The following DGKI variants were observed in gnomAD, a reference collection of about 807,000 sequenced individuals.
DGKI encodes diacylglycerol kinase iota, also known as DAG kinase iota.
In DGKI, 55 loss-of-function variants were observed where a neutral mutation model predicts 147.5. That is an observed-to-expected ratio of 0.37 (90% CI 0.30 to 0.47). DGKI has a LOEUF of 0.47. Among genes scored for constraint, DGKI ranks in the 20% least tolerant of loss-of-function variants. The pLI is 1.00. For synonymous variants in DGKI, 469 were observed against 477.1 expected (o/e 0.98, Z 0.22); for missense variants, 1,007 against 1,323.8 (o/e 0.76, Z 3.71).
Position 137,399,708 on chromosome 7 carries a change from G to A in DGKI, c.2921-2295C>T, listed in dbSNP as rs146949424. Among the ~76,000 whole-genome samples the A allele has an allele frequency of 7.1e-3, 1,088 of 152,224 alleles. 14 individuals are homozygous for A. The highest frequency in any genetic ancestry group is 0.025 in the African/African-American group (1,033 of 41,528). ...GTGGATCATTTGAGGTCAGGAATTC[G>A]AGACCAGCCTGACCAACATGGTGGA... On this transcript the variant is annotated intron_variant, in intron 30 of 32. Coordinates refer to ENST00000614521, the MANE Select transcript of DGKI (RefSeq NM_001321708.2).
At chr7:137,745,829 T>C (rs926987678) in intron 1 of DGKI, among the ~76,000 whole-genome samples, 17 of 152,152 alleles carry the variant, frequency 1.1e-4, no homozygotes, top group Admixed American at 7.2e-4. Context: ...TAAGACCAAT[T>C]TCATTGGTGA....
At chr7:137,507,046 G>T (rs1029221642) in intron 21 of DGKI, among the ~76,000 whole-genome samples, 1 of 152,088 alleles carries the variant, frequency 6.6e-6, no homozygotes. Flanking sequence ...TCCCTGCTGT[G>T]GGTCACAGGT....
chr7:137,724,905 A>G (rs995028340), intron 1 of DGKI, among the ~76,000 whole-genome samples: 5 of 152,192 alleles, frequency 3.3e-5, no homozygotes, highest in African/African-American at 1.2e-4. Flanking sequence ...AAGAAATGCT[A>G]TACTCATACT....
At chr7:137,525,243 T>G (rs1048723061) in intron 20 of DGKI, among the ~76,000 whole-genome samples, 3 of 152,186 alleles carry the variant, frequency 2.0e-5, no homozygotes, top group Admixed American at 6.6e-5. Flanking sequence ...CCATCCACTT[T>G]CCTACACTTT....
intron 27 of DGKI, among the ~76,000 whole-genome samples, chr7:137,454,279 T>G (rs1378895733): frequency 9.2e-5 from 14 of 152,168 alleles, no homozygotes; most frequent in Admixed American, 9.2e-4. Context: ...AAAACTAATT[T>G]TAAAAAAACG....
At chr7:137,518,116 A>C (rs1190416339) in intron 21 of DGKI, among the ~76,000 whole-genome samples, 1 of 152,088 alleles carries the variant, frequency 6.6e-6, no homozygotes, top group South Asian at 2.1e-4. Flanking sequence ...GCAGTATGAC[A>C]GCAGGGCCTC....
chr7:137,699,588 G>A (rs1367542704), intron 1 of DGKI, among the ~76,000 whole-genome samples: 1 of 152,154 alleles, frequency 6.6e-6, no homozygotes, highest in Non-Finnish European at 1.5e-5. Context: ...AGATAATCCA[G>A]AATTGAACAA....
chr7:137,755,409 G>A lies in DGKI; in HGVS notation c.402-65407C>T, dbSNP rs143307118. 5.3e-4 allele frequency among the ~76,000 whole-genome samples: 81 copies of A among 152,218 alleles called. 1 individual carries two copies. Among genetic ancestry groups the A allele is most frequent in the Non-Finnish European group, 5.0e-4 (34 of 68,016 alleles). On this transcript the variant is annotated intron_variant, in intron 1 of 32. Coordinates refer to ENST00000614521, the MANE Select transcript of DGKI (RefSeq NM_001321708.2). Reference sequence around the variant, plus strand: ...TCAAGATGGTTGACTTTAGTTTAAGGGCAGAGGGAGGAGGGAGAAACAGAG... The same window carrying A: ...TCAAGATGGTTGACTTTAGTTTAAGAGCAGAGGGAGGAGGGAGAAACAGAG...
At chr7:137,522,872 C>T (rs754078176) in intron 20 of DGKI, among the ~76,000 whole-genome samples, 38 of 152,040 alleles carry the variant, frequency 2.5e-4, no homozygotes, top group Non-Finnish European at 4.9e-4. Flanking sequence ...TCTTTCAATA[C>T]GACCTTATAC....
In DGKI at chr7:137,642,929, A is replaced by AGTGTGTGTGTGTGT. The variant is rs1207086851; in HGVS notation, c.804+2529_804+2542dup. Among the ~76,000 whole-genome samples, 167 of 121,204 alleles carry AGTGTGTGTGTGTGT rather than the reference A, an allele frequency of 1.4e-3. 1 individual carries two copies. Among genetic ancestry groups the AGTGTGTGTGTGTGT allele is most frequent in the South Asian group, 2.7e-3 (9 of 3,290 alleles). The allele number at this position is 121,204 out of a possible 152,430, so 79.5% of individuals were successfully genotyped here. A position where few individuals can be genotyped will look rare whatever the true frequency, so the allele number is the denominator to read the frequency against. On this transcript the variant is annotated intron_variant, in intron 6 of 32. Transcript: ENST00000614521. Reference sequence around the variant, plus strand: ...CATCCCAATGAGTAAATTATGGAATAGTGTGTGTGTGTGTGTGTGTGTGTG... The same window carrying AGTGTGTGTGTGTGT: ...CATCCCAATGAGTAAATTATGGAATAGTGTGTGTGTGTGTGTGTGTGTGTGTGTGTGTGTGTGTG...
chr7:137,540,669 G>T (rs1817658127), intron 20 of DGKI, among the ~76,000 whole-genome samples: 1 of 142,348 alleles, frequency 7.0e-6, no homozygotes, highest in Non-Finnish European at 1.5e-5. Context: ...CTGGGTGACA[G>T]AGTGAGACCC....
intron 20 of DGKI, among the ~76,000 whole-genome samples, chr7:137,532,293 T>C (rs1468933475): frequency 6.6e-6 from 1 of 152,194 alleles, no homozygotes; most frequent in Non-Finnish European, 1.5e-5. Flanking sequence ...GAGCATGTTT[T>C]GTTTTTATAA....
At chr7:137,678,759 C>T (rs1823127799) in intron 2 of DGKI, 107 bp from the exon 3 acceptor site, 1 of 941,862 alleles carries the variant, frequency 1.1e-6, no homozygotes, top group African/African-American at 1.6e-5. Context: ...ACCAAGGAGT[C>T]TAAACATTTC....
chr7:137,820,856 C>G (rs1797875299), intron 1 of DGKI, among the ~76,000 whole-genome samples: 1 of 152,174 alleles, frequency 6.6e-6, no homozygotes, highest in African/African-American at 2.4e-5. Context: ...GGGCCTCCCC[C>G]AGCCGGCATC....
At chr7:137,645,666 A>G (rs1821799436) in intron 5 of DGKI, 129 bp from the exon 6 acceptor site, 1 of 750,786 alleles carries the variant, frequency 1.3e-6, no homozygotes, top group Non-Finnish European at 2.0e-6. Context: ...TCCTCTGCTC[A>G]AGCAATTCAC....
At chr7:137,504,559 T>C (rs557498882) in intron 21 of DGKI, among the ~76,000 whole-genome samples, 14 of 152,312 alleles carry the variant, frequency 9.2e-5, no homozygotes, top group South Asian at 8.3e-4. Context: ...TATTGAACAA[T>C]ATGGTAAACC....
intron 3 of DGKI, among the ~76,000 whole-genome samples, chr7:137,661,976 T>C (rs1410243371): frequency 6.6e-6 from 1 of 152,070 alleles, no homozygotes; most frequent in African/African-American, 2.4e-5. Flanking sequence ...AAAACAAGAG[T>C]TCTTTGATTT....
chr7:137,678,410 C>T lies in DGKI; in HGVS notation c.606+147G>A, dbSNP rs1563146218. ...GAAAGCCATGTTAACTTGAGAAACT[C>T]TCTGCAAACCTTGAAAACATCCGGA... is the stretch of plus-strand genomic sequence containing the variant. On this transcript the variant is annotated intron_variant, in intron 3 of 32. Transcript: ENST00000614521. The T allele has an allele frequency of 6.7e-6, 5 of 743,244 alleles. No individual in the cohort carries two copies. In the East Asian group the frequency reaches 1.2e-4, roughly 18 times the overall value. 46.0% of individuals were successfully genotyped at this position (743,244 alleles called of 1,614,324 possible).
At chr7:137,431,740 C>G (rs1813080075) in intron 28 of DGKI, among the ~76,000 whole-genome samples, 1 of 152,224 alleles carries the variant, frequency 6.6e-6, no homozygotes, top group South Asian at 2.1e-4. Context: ...ATGTCCAGAG[C>G]AGAAGAGGCC....
Sources: allele counts gnomAD v4.1 joint callset (sites outside exome capture counted in the v4.1 genomes callset), GRCh38; gene constraint gnomAD v4.1.1; transcripts MANE v1.5; gene names NCBI Gene and HGNC (gene_info 2026-07-23, HGNC 2026-07-21).